Variants in TMTC1 observed in about 807,000 individuals in gnomAD.
The protein encoded by TMTC1 is protein O-mannosyl-transferase TMTC1.
A neutral mutation model predicts 104.8 loss-of-function variants in TMTC1; 73 were observed. The ratio of observed to expected loss-of-function variants is 0.70; its 90% CI spans 0.58 to 0.85. The LOEUF is 0.85. Ranked by LOEUF, TMTC1 falls within the 40% of genes least tolerant of loss-of-function variation. TMTC1 has a pLI of 0.00. For synonymous variants in TMTC1, 434 were observed against 428.7 expected (o/e 1.01, Z -0.15); for missense variants, 1,035 against 1,096.1 (o/e 0.94, Z 0.79).
intron 5 of TMTC1, among the ~76,000 whole-genome samples, chr12:29,736,583 C>A (rs546097239): frequency 6.6e-6 from 1 of 152,266 alleles, no homozygotes; most frequent in Admixed American, 6.5e-5. Context: ...CCACGCCCGG[C>A]TAATTTTTGT....
chr12:29,698,538 A>G lies in TMTC1; in HGVS notation c.938+53128T>C, dbSNP rs552104422. On this transcript the variant is annotated intron_variant, in intron 5 of 17. Transcript: ENST00000539277. ...ATCTACTCTGGAGATGTTGACAAATAAAGTGTCCCCCTTGGTCTTATGTTT... is the reference window on the plus strand; with the variant it reads ...ATCTACTCTGGAGATGTTGACAAATGAAGTGTCCCCCTTGGTCTTATGTTT... 2.6e-5 allele frequency among the ~76,000 whole-genome samples: 4 copies of G among 152,322 alleles called. 1 individual carries two copies. Among genetic ancestry groups the G allele is most frequent in the African/African-American group, 9.6e-5 (4 of 41,572 alleles).
At chr12:29,648,149 C>T (rs2136585689) in intron 5 of TMTC1, among the ~76,000 whole-genome samples, 1 of 152,314 alleles carries the variant, frequency 6.6e-6, no homozygotes, top group Admixed American at 6.5e-5. Flanking sequence ...ACAGGTTACA[C>T]ATAAAATCTA....
At chr12:29,753,149 G>T (rs1943132086) in intron 4 of TMTC1, among the ~76,000 whole-genome samples, 1 of 152,180 alleles carries the variant, frequency 6.6e-6, no homozygotes, top group Admixed American at 6.5e-5. Context: ...TACGATGAAA[G>T]ATCTCAAGAA....
chr12:29,529,973 A>G (rs1024063593), intron 11 of TMTC1: 8 of 152,214 alleles, frequency 5.3e-5, no homozygotes, highest in Admixed American at 5.2e-4. Flanking sequence ...AAGAGTGACA[A>G]AAGTGAGCAA....
chr12:29,745,061 A>C (rs896536441), intron 5 of TMTC1, among the ~76,000 whole-genome samples: 1 of 152,056 alleles, frequency 6.6e-6, no homozygotes, highest in African/African-American at 2.4e-5. Context: ...AAAGTGCTGG[A>C]GTTACAGGCA....
intron 5 of TMTC1, among the ~76,000 whole-genome samples, chr12:29,656,182 T>C (rs922985631): frequency 6.6e-6 from 1 of 151,918 alleles, no homozygotes; most frequent in Non-Finnish European, 1.5e-5. Context: ...CAAAGAAATA[T>C]GCAAACTGAG....
chr12:29,776,232 G>A (rs1943704146), intron 1 of TMTC1, among the ~76,000 whole-genome samples: 1 of 152,110 alleles, frequency 6.6e-6, no homozygotes, highest in Non-Finnish European at 1.5e-5. Flanking sequence ...GCTGCAACCT[G>A]CCACCTAAGA....
rs1287466953 is a variant in TMTC1 at position 29,767,827 on chromosome 12, T to TGTATACAC, written c.480+63_480+70dup. The TGTATACAC allele has an allele frequency of 9.7e-5, 135 of 1,392,596 alleles. 1 individual carries two copies. The highest frequency in any genetic ancestry group is 1.8e-4 in the Middle Eastern group (1 of 5,474). The allele number at this position is 1,392,596 out of a possible 1,614,324, so 86.3% of individuals were successfully genotyped here. On this transcript the variant is annotated intron_variant, in intron 2 of 17. Transcript: ENST00000539277. ...ATATTTACATGTATATATATGTGTGTGTATACACGTATACACGTATACATA... is the reference window on the plus strand; with the variant it reads ...ATATTTACATGTATATATATGTGTGTGTATACACGTATACACGTATACACGTATACATA...
chr12:29,651,704 T>C (rs918489693), intron 5 of TMTC1, among the ~76,000 whole-genome samples: 1 of 152,214 alleles, frequency 6.6e-6, no homozygotes, highest in Non-Finnish European at 1.5e-5. Flanking sequence ...GAGCTTGCTA[T>C]TACCTTAGCA....
chr12:29,657,084 G>A lies in TMTC1; in HGVS notation c.939-23748C>T, dbSNP rs147733493. Among the ~76,000 whole-genome samples, 835 of 152,274 alleles carry A rather than the reference G, an allele frequency of 5.5e-3. 8 individuals carry two copies. The highest frequency in any genetic ancestry group is 0.019 in the African/African-American group (808 of 41,550). On this transcript the variant is annotated intron_variant, in intron 5 of 17. Coordinates refer to ENST00000539277, the MANE Select transcript of TMTC1 (RefSeq NM_001193451.2). ...TCTCCCCCATCTGTCCTTTTTAACC[G>A]TACATCTTAGTGTTTGGAGACTGGT...
intron 11 of TMTC1, chr12:29,534,011 G>A (rs1031239622): frequency 6.6e-6 from 1 of 152,224 alleles, no homozygotes; most frequent in Non-Finnish European, 1.5e-5. Flanking sequence ...AGGACAAGTC[G>A]CTTGACTAAG....
chr12:29,598,757 C>T (rs923373667), intron 7 of TMTC1, among the ~76,000 whole-genome samples: 3 of 152,128 alleles, frequency 2.0e-5, no homozygotes, highest in Admixed American at 6.5e-5. Context: ...AGAATAGCTA[C>T]TGATTTTTGT....
At chr12:29,633,777 G>T (rs755339894) in intron 5 of TMTC1, among the ~76,000 whole-genome samples, 3 of 152,048 alleles carry the variant, frequency 2.0e-5, no homozygotes, top group Non-Finnish European at 4.4e-5. Flanking sequence ...CAAAATATTT[G>T]TGGTATGGAG....
chr12:29,536,166 T>C, intron 11 of TMTC1, 43 bp downstream of exon 11: 1 of 1,241,588 alleles, frequency 8.1e-7, no homozygotes, highest in Non-Finnish European at 1.2e-6. Flanking sequence ...AATTTATACA[T>C]GTAACAATAA....
intron 1 of TMTC1, among the ~76,000 whole-genome samples, chr12:29,774,716 C>T (rs1387453412): frequency 1.3e-5 from 2 of 152,188 alleles, no homozygotes; most frequent in Non-Finnish European, 2.9e-5. Flanking sequence ...TCTCATTTCT[C>T]CTCTAAGGCA....
chr12:29,523,446 T>G (rs1944241828), intron 11 of TMTC1, among the ~76,000 whole-genome samples: 1 of 152,204 alleles, frequency 6.6e-6, no homozygotes, highest in Admixed American at 6.5e-5. Flanking sequence ...GGCTGATTGG[T>G]AGGAGAGAAA....
intron 9 of TMTC1, among the ~76,000 whole-genome samples, chr12:29,568,212 T>C (rs1045792556): frequency 6.6e-5 from 10 of 152,170 alleles, no homozygotes; most frequent in African/African-American, 2.4e-4. Flanking sequence ...TTCTTTTGTA[T>C]AGGAGCATTA....
At chr12:29,759,994 A>G (rs1393775245) in intron 2 of TMTC1, among the ~76,000 whole-genome samples, 1 of 152,236 alleles carries the variant, frequency 6.6e-6, no homozygotes, top group Admixed American at 6.5e-5. Context: ...TGGTCCCACA[A>G]GATTATAATA....
intron 1 of TMTC1, among the ~76,000 whole-genome samples, chr12:29,774,644 T>G (rs188361294): frequency 3.0e-4 from 46 of 152,242 alleles, no homozygotes; most frequent in Admixed American, 1.4e-3. Context: ...TCTCAAATGC[T>G]TATAAGAGGT....
Sources: allele counts gnomAD v4.1 joint callset (sites outside exome capture counted in the v4.1 genomes callset), GRCh38; gene constraint gnomAD v4.1.1; transcripts MANE v1.5; gene names NCBI Gene and HGNC (gene_info 2026-07-23, HGNC 2026-07-21).